Variants in PHF24 observed in about 807,000 individuals in gnomAD.
PHF24 encodes the protein PHD finger protein 24.
PHF24 carries 25 observed loss-of-function variants against 42.6 expected under a neutral mutation model. That is an observed-to-expected ratio of 0.59 (90% CI 0.43 to 0.82). PHF24 has a LOEUF of 0.82. Ranked by LOEUF, PHF24 falls within the 40% of genes least tolerant of loss-of-function variation. The pLI is 0.00. For synonymous variants in PHF24, 185 were observed against 204.8 expected (o/e 0.90, Z 0.83); for missense variants, 470 against 538.1 (o/e 0.87, Z 1.25).
At chr9:34,868,306 C>A in the PHF24 span, among the ~76,000 whole-genome samples, 2 of 152,188 alleles carry the variant, frequency 1.3e-5, no homozygotes, top group South Asian at 4.1e-4. Context: ...GTTGTCCAGT[C>A]ATCTTTGTAA....
At chr9:34,690,464 GT>G in the PHF24 span, 1 of 913,708 alleles carries the variant, frequency 1.1e-6, no homozygotes, top group Non-Finnish European at 1.7e-6. Flanking sequence ...GTGTGTGTGT[GT>G]GTGTCTGGTG....
the PHF24 span, among the ~76,000 whole-genome samples, chr9:34,774,689 C>A: frequency 6.6e-6 from 1 of 152,088 alleles, no homozygotes; most frequent in East Asian, 1.9e-4. Context: ...AGGAGAATCG[C>A]TTGAACCTGG....
the PHF24 span, chr9:34,691,142 A>G: frequency 3.7e-5 from 59 of 1,613,248 alleles, no homozygotes; most frequent in Non-Finnish European, 4.7e-5. Flanking sequence ...AGGGCCATGG[A>G]GGGTGAACAG....
chr9:34,976,755 G>A lies in PHF24; in HGVS notation c.849+15G>A. 6.2e-7 allele frequency: 1 copy of A among 1,606,606 alleles called. No homozygotes were observed. The highest frequency in any genetic ancestry group is 8.5e-7 in the Non-Finnish European group (1 of 1,173,800). On this transcript the variant is annotated intron_variant, in intron 5 of 7. Transcript: ENST00000242315. ...TGCGTCCCCAGGTGAGGGCCAGTTG[G>A]GGCAAATGTTCCTGGGATACTGGGT...
the PHF24 span, among the ~76,000 whole-genome samples, chr9:34,841,598 C>A: frequency 6.6e-6 from 1 of 152,230 alleles, no homozygotes; most frequent in East Asian, 1.9e-4. Context: ...TGGCTCACAC[C>A]TATAATCCCA....
chr9:34,903,107 G>A, the PHF24 span, among the ~76,000 whole-genome samples: 3 of 152,088 alleles, frequency 2.0e-5, no homozygotes, highest in Non-Finnish European at 2.9e-5. Context: ...GAATCACCAA[G>A]AAGTAAAATA....
chr9:34,801,643 C>T, the PHF24 span, among the ~76,000 whole-genome samples: 1 of 152,094 alleles, frequency 6.6e-6, no homozygotes. Flanking sequence ...AGGAGAATGG[C>T]GTGAACCTGG....
the PHF24 span, among the ~76,000 whole-genome samples, chr9:34,809,970 C>G: frequency 1.3e-5 from 2 of 150,678 alleles, no homozygotes; most frequent in South Asian, 2.1e-4. This position sits in a 1 kb window ranked among gnomAD's most constrained non-coding sequence, Gnocchi z 4.1. Context: ...GCCCACCTGC[C>G]GGCCAAGAAA....
chr9:34,801,186 AAACAGG>A, the PHF24 span, among the ~76,000 whole-genome samples: 2 of 152,340 alleles, frequency 1.3e-5, no homozygotes, highest in Admixed American at 6.5e-5. Flanking sequence ...GGCTGTAGAG[AAACAGG>A]AACACTTTTA....
the PHF24 span, among the ~76,000 whole-genome samples, chr9:34,754,316 C>G: frequency 6.6e-6 from 1 of 152,012 alleles, no homozygotes; most frequent in Admixed American, 6.6e-5. Flanking sequence ...ATATTAGGAG[C>G]ACTCTATAGG....
the PHF24 span, chr9:34,832,737 T>G: frequency 6.5e-7 from 1 of 1,549,148 alleles, no homozygotes; most frequent in Admixed American, 2.0e-5. Flanking sequence ...ATGTAAAACT[T>G]GGCATTGCAA....
chr9:34,721,508 G>A, the PHF24 span, among the ~76,000 whole-genome samples: 14 of 151,910 alleles, frequency 9.2e-5, no homozygotes, highest in East Asian at 2.3e-3. Context: ...TCCACCTCCT[G>A]GGTTCAAGTG....
chr9:34,952,981 T>C (rs972940172), upstream of PHF24, among the ~76,000 whole-genome samples: 3 of 152,154 alleles, frequency 2.0e-5, no homozygotes, highest in African/African-American at 7.2e-5. Flanking sequence ...TAAAAATAGA[T>C]CATAAACCTA....
At chr9:34,744,874 T>TA in the PHF24 span, among the ~76,000 whole-genome samples, 8 of 147,948 alleles carry the variant, frequency 5.4e-5, no homozygotes, top group Middle Eastern at 3.5e-3. Flanking sequence ...TTGGCAAGAT[T>TA]AAAAAAAAAA....
chr9:34,941,755 A>G, the PHF24 span, among the ~76,000 whole-genome samples: 1 of 152,154 alleles, frequency 6.6e-6, no homozygotes, highest in South Asian at 2.1e-4. Flanking sequence ...CTCTCTGCCA[A>G]ACAAGCTCCC....
exon 8 of PHF24, chr9:34,978,817 G>A (rs576988923): frequency 3.9e-5 from 6 of 152,214 alleles, no homozygotes; most frequent in East Asian, 3.8e-4. Flanking sequence ...GACTGGAAGA[G>A]GGGGAGGCAG....
At chr9:34,690,693 G>T in the PHF24 span, among the ~76,000 whole-genome samples, 7 of 152,232 alleles carry the variant, frequency 4.6e-5, no homozygotes, top group Middle Eastern at 3.4e-3. Flanking sequence ...TGTGGGAGGG[G>T]CGTGGGGTAG....
At chr9:34,950,120 G>A in the PHF24 span, among the ~76,000 whole-genome samples, 32 of 151,810 alleles carry the variant, frequency 2.1e-4, no homozygotes, top group Non-Finnish European at 3.8e-4. Flanking sequence ...GACTGGTGAC[G>A]GGTGGATCAC....
chr9:34,731,842 G>A, the PHF24 span, among the ~76,000 whole-genome samples: 1 of 151,700 alleles, frequency 6.6e-6, no homozygotes, highest in African/African-American at 2.4e-5. Context: ...TATAGTAGTT[G>A]TATTTTTAGG....
Sources: allele counts gnomAD v4.1 joint callset (sites outside exome capture counted in the v4.1 genomes callset), GRCh38; gene constraint gnomAD v4.1.1; non-coding constraint Gnocchi (gnomAD v3.1); transcripts MANE v1.5; gene names NCBI Gene and HGNC (gene_info 2026-07-23, HGNC 2026-07-21).